The following ORC4 variants were observed in gnomAD, a reference collection of about 807,000 sequenced individuals.
The protein encoded by ORC4 is origin recognition complex subunit 4, also known as origin recognition complex, subunit 4 homolog.
In ORC4, 55 loss-of-function variants were observed where a neutral mutation model predicts 63.9. The ratio of observed to expected loss-of-function variants is 0.86; its 90% confidence interval spans 0.69 to 1.08. The LOEUF is 1.08. Ranked by LOEUF, ORC4 falls within the 50% of genes least tolerant of loss-of-function variation. ORC4 has a pLI of 0.00. For missense variants in ORC4, 511 were observed against 504.4 expected, an observed-to-expected ratio of 1.01 and a Z score of -0.13; for synonymous variants, 150 against 168.5, an observed-to-expected ratio of 0.89 and a Z score of 0.85.
intron 1 of ORC4, among the ~76,000 whole-genome samples, chr2:147,976,442 T>G (rs1391607150): frequency 6.6e-6 from 1 of 152,218 alleles, no homozygotes; most frequent in African/African-American, 2.4e-5. Context: ...GTGATTCACT[T>G]TATTGTGATA....
chr2:147,954,712 T>C (rs1259951535), intron 7 of ORC4, among the ~76,000 whole-genome samples: 1 of 152,144 alleles, frequency 6.6e-6, no homozygotes, highest in Non-Finnish European at 1.5e-5. Context: ...ACCAGAATTA[T>C]GCAAATTAAA....
chr2:147,958,233 A>G (rs566318700), intron 6 of ORC4, 65 bp downstream of exon 6: 9 of 1,008,920 alleles, frequency 8.9e-6, no homozygotes, highest in South Asian at 7.0e-5. Flanking sequence ...AAATATAAAA[A>G]TATACATGGT....
chr2:147,976,924 T>C (rs1419159857), intron 1 of ORC4, among the ~76,000 whole-genome samples: 1 of 152,136 alleles, frequency 6.6e-6, no homozygotes, highest in East Asian at 1.9e-4. Context: ...TCCTCAAGTG[T>C]ACCATACTCA....
At chr2:147,992,085 C>G (rs796403163) in intron 1 of ORC4, among the ~76,000 whole-genome samples, 9 of 152,266 alleles carry the variant, frequency 5.9e-5, no homozygotes, top group African/African-American at 2.2e-4. Context: ...ATTATATGAT[C>G]TTACTGGCAC....
intron 4 of ORC4, among the ~76,000 whole-genome samples, chr2:147,967,631 T>C (rs1197533630): frequency 6.6e-6 from 1 of 151,710 alleles, no homozygotes; most frequent in Non-Finnish European, 1.5e-5. Flanking sequence ...TACAAAGCAC[T>C]GAAGAAAGAA....
intron 6 of ORC4, among the ~76,000 whole-genome samples, chr2:147,957,112 ATATT>A (rs1689296941): frequency 6.8e-6 from 1 of 147,916 alleles, no homozygotes; most frequent in African/African-American, 2.4e-5. Flanking sequence ...TTAATATATT[ATATT>A]AATAATTTAG....
At chr2:148,002,240 A>C (rs1692360573) in intron 1 of ORC4, among the ~76,000 whole-genome samples, 1 of 152,176 alleles carries the variant, frequency 6.6e-6, no homozygotes, top group Non-Finnish European at 1.5e-5. Flanking sequence ...CAGGACTTGA[A>C]CTCAGCTATG....
rs1280349976 is a variant in ORC4, at chr2:147,948,061, T to C, written c.752A>G (p.Glu251Gly). Residue 251 changes from glutamate to glycine, a missense_variant, in exon 9 of 14, where the codon GAA becomes GGA. By Grantham distance (98) the Glu-to-Gly change is moderately conservative. Coordinates refer to ENST00000392857, the MANE Select transcript of ORC4 (RefSeq NM_181741.4). Reference sequence around the variant, plus strand: ...TGCCTTTTAAGATACCTGAACATTTTCATTCCACTTCTCAGCAAAAACCTT... The same window carrying C: ...TGCCTTTTAAGATACCTGAACATTTCCATTCCACTTCTCAGCAAAAACCTT... ...PDKVFAEKWN[E>G]NVQYLSEDRS... is the part of the protein sequence containing the mutation. 1 of 1,611,164 alleles carries C rather than the reference T, an allele frequency of 6.2e-7. No individual in the cohort carries two copies. The highest frequency in any genetic ancestry group is 2.2e-5 in the East Asian group (1 of 44,708).
intron 3 of ORC4, 104 bp from the exon 4 acceptor site, chr2:147,972,933 T>C (rs1690305942): frequency 1.4e-6 from 1 of 738,598 alleles, no homozygotes; most frequent in Admixed American, 2.1e-5. Context: ...AAATTTCCTC[T>C]CTTCTCTCCC....
At chr2:147,976,820 T>G (rs1214808252) in intron 1 of ORC4, among the ~76,000 whole-genome samples, 1 of 152,158 alleles carries the variant, frequency 6.6e-6, no homozygotes, top group Non-Finnish European at 1.5e-5. Context: ...TTTTATATTC[T>G]AAGCATTGTA....
chr2:147,960,657 C>T (rs1412297098), intron 4 of ORC4, among the ~76,000 whole-genome samples: 1 of 152,186 alleles, frequency 6.6e-6, no homozygotes, highest in Non-Finnish European at 1.5e-5. Flanking sequence ...ACAGGTTTCA[C>T]CAATATGCAA....
intron 9 of ORC4, among the ~76,000 whole-genome samples, chr2:147,945,203 G>A (rs1051425787): frequency 6.6e-6 from 1 of 151,966 alleles, no homozygotes; most frequent in African/African-American, 2.4e-5. Context: ...TTCTCTGCAA[G>A]AATCAATTAT....
At chr2:147,984,031 G>A (rs747693909) in intron 1 of ORC4, among the ~76,000 whole-genome samples, 9 of 152,150 alleles carry the variant, frequency 5.9e-5, no homozygotes, top group African/African-American at 1.9e-4. Flanking sequence ...CTTCTTTTAC[G>A]ACATGGACCC....
intron 1 of ORC4, among the ~76,000 whole-genome samples, chr2:147,998,816 T>G (rs563276626): frequency 6.6e-6 from 1 of 152,166 alleles, no homozygotes; most frequent in South Asian, 2.1e-4. Context: ...TGAGGAGAGA[T>G]ATGGGAGAAT....
intron 9 of ORC4, among the ~76,000 whole-genome samples, chr2:147,944,717 G>A (rs2105276176): frequency 6.7e-6 from 1 of 148,314 alleles, no homozygotes; most frequent in East Asian, 2.0e-4. Flanking sequence ...AAAAAGCCCA[G>A]AAAACTAAGC....
chr2:147,937,962 T>G, intron 13 of ORC4, 184 bp downstream of exon 13: 1 of 626,916 alleles, frequency 1.6e-6, no homozygotes, highest in Non-Finnish European at 2.8e-6. Context: ...CTCCACAAAC[T>G]AAAACAACCG....
At chr2:147,947,910 G>T (rs1299282980) in intron 9 of ORC4, 141 bp downstream of exon 9, 1 of 667,276 alleles carries the variant, frequency 1.5e-6, no homozygotes, top group Non-Finnish European at 2.6e-6. Flanking sequence ...TTTTTAAAAA[G>T]TATATAATTT....
chr2:147,941,764 ATGTG>A (rs752909369), intron 10 of ORC4, among the ~76,000 whole-genome samples: 2 of 151,868 alleles, frequency 1.3e-5, no homozygotes, highest in African/African-American at 4.8e-5. Flanking sequence ...CCAGATGGAG[ATGTG>A]TGTGTATATA....
intron 9 of ORC4, 103 bp downstream of exon 9, chr2:147,947,948 A>G (rs1254925605): frequency 8.9e-6 from 8 of 894,596 alleles, no homozygotes; most frequent in East Asian, 7.5e-5. Context: ...TCCTTCAGCA[A>G]TATTAGAAAC....
Sources: allele counts gnomAD v4.1 joint callset (sites outside exome capture counted in the v4.1 genomes callset), GRCh38; gene constraint gnomAD v4.1.1; transcripts MANE v1.5; gene names NCBI Gene and HGNC (gene_info 2026-07-23, HGNC 2026-07-21).